Variants in LUZP2 observed in about 807,000 individuals in gnomAD.
LUZP2 encodes leucine zipper protein 2.
In LUZP2, 52 loss-of-function variants were observed where a neutral mutation model predicts 51.6. The observed-to-expected ratio is 1.01, with a 90% CI of 0.81 to 1.27. The LOEUF (loss-of-function observed/expected upper bound fraction) is 1.27. Ranked by LOEUF, LUZP2 falls within the 50% of genes most tolerant of loss-of-function variation. The pLI is 0.00. For synonymous variants in LUZP2, 154 were observed against 137.3 expected (o/e 1.12, Z -0.85); for missense variants, 436 against 395.4 (o/e 1.10, Z -0.87).
intron 7 of LUZP2, among the ~76,000 whole-genome samples, chr11:24,949,298 A>G (rs1855003764): frequency 1.1e-5 from 1 of 89,428 alleles, no homozygotes. Context: ...TTATCTATCT[A>G]TCTATCTATC....
intron 1 of LUZP2, among the ~76,000 whole-genome samples, chr11:24,707,944 T>C (rs1342638047): frequency 6.6e-6 from 1 of 152,136 alleles, no homozygotes; most frequent in Non-Finnish European, 1.5e-5. Flanking sequence ...CCTGCTGCAG[T>C]GTCATTCCCC....
At chr11:24,706,095 T>C (rs1032424973) in intron 1 of LUZP2, among the ~76,000 whole-genome samples, 2 of 152,176 alleles carry the variant, frequency 1.3e-5, no homozygotes, top group African/African-American at 4.8e-5. Flanking sequence ...TTGATACTTC[T>C]TTCCCATATC....
At chr11:24,934,635 GAAAAC>G (rs968607069) in intron 7 of LUZP2, among the ~76,000 whole-genome samples, 3 of 151,670 alleles carry the variant, frequency 2.0e-5, no homozygotes, top group African/African-American at 7.3e-5. Flanking sequence ...TATTACATAA[GAAAAC>G]AAAACATTTA....
intron 9 of LUZP2, among the ~76,000 whole-genome samples, chr11:25,028,164 G>A (rs940279981): frequency 4.6e-5 from 7 of 152,032 alleles, no homozygotes; most frequent in Admixed American, 2.0e-4. Flanking sequence ...CAGGGTAAAT[G>A]GAGTATTCAT....
At chr11:24,737,044 G>T (rs1332501881) in intron 3 of LUZP2, among the ~76,000 whole-genome samples, 1 of 152,068 alleles carries the variant, frequency 6.6e-6, no homozygotes, top group Non-Finnish European at 1.5e-5. Context: ...GCCCCATTAA[G>T]TCCTGCTGGG....
chr11:24,570,306 G>C (rs1417437599), intron 1 of LUZP2, among the ~76,000 whole-genome samples: 1 of 152,008 alleles, frequency 6.6e-6, no homozygotes, highest in African/African-American at 2.4e-5. Flanking sequence ...TTTCTTAAAA[G>C]TCATCTTTTA....
At chr11:25,004,090 G>T (rs552478488) in intron 9 of LUZP2, among the ~76,000 whole-genome samples, 1 of 152,054 alleles carries the variant, frequency 6.6e-6, no homozygotes, top group East Asian at 1.9e-4. Context: ...AAACATACCC[G>T]GGGCTCAGTG....
At chr11:24,926,389 A>G (rs1345615623) in intron 7 of LUZP2, among the ~76,000 whole-genome samples, 1 of 40,680 alleles carries the variant, frequency 2.5e-5, no homozygotes, top group African/African-American at 9.8e-5. Flanking sequence ...GTATATATAT[A>G]CGTGTGTATA....
chr11:24,909,875 C>A (rs1249133766), intron 6 of LUZP2, among the ~76,000 whole-genome samples: 3 of 152,108 alleles, frequency 2.0e-5, no homozygotes, highest in Admixed American at 6.5e-5. Flanking sequence ...GACTTTGGAA[C>A]TGGCTAACAG....
At position 24,643,930 on chromosome 11, in the gene LUZP2, G is replaced by T. The variant is rs191825148; in HGVS notation, c.63-85239G>T. On this transcript the variant is annotated intron_variant, in intron 1 of 11. Transcript: ENST00000336930. ...ATTCTTCCTTTATTCGTAATGTAATGATGTTGATACAACTGATGCCAGGTC... is the reference window on the plus strand; with the variant it reads ...ATTCTTCCTTTATTCGTAATGTAATTATGTTGATACAACTGATGCCAGGTC... Among the ~76,000 whole-genome samples, 19 of 152,216 alleles carry T rather than the reference G, an allele frequency of 1.2e-4. No individual in the cohort carries two copies. The East Asian group carries it at 1.9e-3, about 15-fold the overall frequency.
intron 5 of LUZP2, among the ~76,000 whole-genome samples, chr11:24,770,838 C>T (rs1860384686): frequency 6.6e-6 from 1 of 152,066 alleles, no homozygotes; most frequent in Admixed American, 6.6e-5. Context: ...ATAGGTTGTA[C>T]CTTAGAAAAA....
chr11:24,498,954 T>A (rs545777253), intron 1 of LUZP2, among the ~76,000 whole-genome samples: 1 of 152,298 alleles, frequency 6.6e-6, no homozygotes, highest in Non-Finnish European at 1.5e-5. Flanking sequence ...TTAAATTGAA[T>A]GAAAAAGCTC....
rs1009232871 is a variant in LUZP2, at chr11:24,857,870, G to C, written c.397-48121G>C. Among the ~76,000 whole-genome samples the C allele has an allele frequency of 1.3e-4, 20 of 152,168 alleles. 1 individual carries two copies. The East Asian group carries it at 1.5e-3, about 12-fold the overall frequency. On this transcript the variant is annotated intron_variant, in intron 5 of 11. Coordinates refer to ENST00000336930, the MANE Select transcript of LUZP2 (RefSeq NM_001009909.4). ...GGTTTCCATGTAACCTTGCTTAGAT[G>C]CAGTAATATTACAGTTATCTTCATT...
chr11:24,828,782 G>A (rs1422928130), intron 5 of LUZP2, among the ~76,000 whole-genome samples: 2 of 152,136 alleles, frequency 1.3e-5, no homozygotes, highest in East Asian at 3.9e-4. Flanking sequence ...ACTGTAGACA[G>A]GCATCAAGGT....
intron 9 of LUZP2, among the ~76,000 whole-genome samples, chr11:25,032,181 T>C (rs1435278437): frequency 6.6e-6 from 1 of 152,168 alleles, no homozygotes; most frequent in Admixed American, 6.6e-5. Flanking sequence ...CACACATAGT[T>C]TCTGGGCCAC....
chr11:25,008,838 A>T (rs1226141257), intron 9 of LUZP2, among the ~76,000 whole-genome samples: 1 of 152,146 alleles, frequency 6.6e-6, no homozygotes, highest in Non-Finnish European at 1.5e-5. Context: ...AGAAAGGGGA[A>T]GTGTGTGCTG....
intron 10 of LUZP2, among the ~76,000 whole-genome samples, chr11:25,057,830 G>A (rs950577057): frequency 6.6e-6 from 1 of 151,914 alleles, no homozygotes; most frequent in Admixed American, 6.6e-5. Flanking sequence ...TAAAAATATT[G>A]CCTAGGGAAA....
At chr11:24,755,600 C>G (rs1477461510) in intron 4 of LUZP2, among the ~76,000 whole-genome samples, 2 of 152,088 alleles carry the variant, frequency 1.3e-5, no homozygotes, top group Non-Finnish European at 2.9e-5. Flanking sequence ...GAATGGACTC[C>G]CCTCTCAGCC....
intron 1 of LUZP2, among the ~76,000 whole-genome samples, chr11:24,507,828 G>C (rs1319919954): frequency 6.6e-6 from 1 of 151,868 alleles, no homozygotes; most frequent in Admixed American, 6.6e-5. Context: ...CTTAAATGGT[G>C]GTTGGTTTTG....
Sources: allele counts gnomAD v4.1 joint callset (sites outside exome capture counted in the v4.1 genomes callset), GRCh38; gene constraint gnomAD v4.1.1; transcripts MANE v1.5; gene names NCBI Gene and HGNC (gene_info 2026-07-23, HGNC 2026-07-21).